The following ATG4C variants were observed in gnomAD, a reference collection of about 807,000 sequenced individuals.
ATG4C encodes the protein autophagy related 4C cysteine peptidase, also known as cysteine protease ATG4C.
ATG4C carries 56 observed loss-of-function variants against 57.6 expected under a neutral mutation model. That is an observed-to-expected ratio of 0.97 (90% CI 0.78 to 1.21). The LOEUF is 1.21. ATG4C is among the 50% of genes most tolerant of loss of function. The pLI is 0.00. For synonymous variants in ATG4C, 157 were observed against 174.1 expected (o/e 0.90, Z 0.78); for missense variants, 595 against 529.8 (o/e 1.12, Z -1.21).
chr1:62,845,337 T>C (rs1400588450), intron 10 of ATG4C, among the ~76,000 whole-genome samples: 1 of 152,178 alleles, frequency 6.6e-6, no homozygotes, highest in African/African-American at 2.4e-5. Context: ...ATTTCCCTGA[T>C]TGATACTAAG....
chr1:62,836,083 A>G (rs112155589), intron 9 of ATG4C, among the ~76,000 whole-genome samples: 320 of 152,208 alleles, frequency 2.1e-3, no homozygotes, highest in Non-Finnish European at 3.3e-3. Context: ...GTAGAGAGAA[A>G]TTATCCATCT....
At chr1:62,860,635 A>G (rs549872672) in intron 10 of ATG4C, among the ~76,000 whole-genome samples, 1 of 152,374 alleles carries the variant, frequency 6.6e-6, no homozygotes, top group South Asian at 2.1e-4. Flanking sequence ...ATTACTGAAC[A>G]GTGTTACATC....
chr1:62,852,406 GAACAA>G (rs1243611157), intron 10 of ATG4C, among the ~76,000 whole-genome samples: 1 of 152,140 alleles, frequency 6.6e-6, no homozygotes, highest in Non-Finnish European at 1.5e-5. Context: ...ACACAATGTT[GAACAA>G]AATGACATTA....
intron 1 of ATG4C, among the ~76,000 whole-genome samples, chr1:62,801,793 CT>C (rs1664675132): frequency 6.6e-6 from 1 of 151,644 alleles, no homozygotes; most frequent in Non-Finnish European, 1.5e-5. Context: ...CCCGTCTCTA[CT>C]AAAAGTACAA....
At chr1:62,793,618 A>AAC (rs1553221618) in intron 1 of ATG4C, among the ~76,000 whole-genome samples, 3,606 of 103,662 alleles carry the variant, frequency 0.035, 453 homozygotes, top group Non-Finnish European at 0.05. Context: ...AAAAAAAAAA[A>AAC]AACCAAAAAA....
chr1:62,828,689 C>A (rs370932517), intron 6 of ATG4C, among the ~76,000 whole-genome samples: 1 of 152,128 alleles, frequency 6.6e-6, no homozygotes, highest in Non-Finnish European at 1.5e-5. Context: ...GCTTTTGTTG[C>A]GATTGTTTTC....
intron 3 of ATG4C, among the ~76,000 whole-genome samples, chr1:62,810,711 G>GTTTTTTTTT (rs10677674): frequency 7.1e-6 from 1 of 141,530 alleles, no homozygotes. Flanking sequence ...TTGAGTCCTT[G>GTTTTTTTTT]TTTTTTTTTT....
intron 10 of ATG4C, among the ~76,000 whole-genome samples, chr1:62,860,766 T>C (rs79503914): frequency 0.011 from 1,704 of 152,302 alleles, 32 homozygotes; most frequent in African/African-American, 0.039. Context: ...AGGGTATAGC[T>C]CTAGTGTGGT....
At chr1:62,824,599 T>C (rs1665585971) in intron 6 of ATG4C, among the ~76,000 whole-genome samples, 1 of 152,096 alleles carries the variant, frequency 6.6e-6, no homozygotes, top group Non-Finnish European at 1.5e-5. Context: ...TATTTTCTCT[T>C]GAACTGTGGT....
chr1:62,863,471 C>T (rs1182238681), intron 10 of ATG4C, among the ~76,000 whole-genome samples: 6 of 151,818 alleles, frequency 4.0e-5, no homozygotes, highest in African/African-American at 1.5e-4. Flanking sequence ...GCCAAAAAGC[C>T]GAGCAGTGAT....
At chr1:62,856,827 G>A (rs1373619498) in intron 10 of ATG4C, among the ~76,000 whole-genome samples, 2 of 152,114 alleles carry the variant, frequency 1.3e-5, no homozygotes, top group African/African-American at 4.8e-5. Context: ...GAACCACCAA[G>A]GTCAAATGTT....
In ATG4C at chr1:62,816,607, T is replaced by C. The variant is rs773128783; in HGVS notation, c.193T>C (p.Cys65Arg). The change falls in exon 4 of 11, where the codon TGT (cysteine) becomes CGT (arginine). Residue 65 changes from cysteine (C) to arginine (R), a missense_variant. Transcript: ENST00000317868. ...EDKTLPAESG[C>R]TIEDHVIAGN... ...TAAAACGTTACCTGCAGAGTCGGGA[T>C]GTACAATAGAGGATCACGTAATTGC... is the stretch of plus-strand genomic sequence containing the variant. 18 of 1,613,024 alleles carry C rather than the reference T, an allele frequency of 1.1e-5. No homozygotes were observed. In the South Asian group the frequency reaches 2.0e-4, roughly 18 times the overall value.
At chr1:62,815,665 A>G (rs1481066627) in intron 3 of ATG4C, among the ~76,000 whole-genome samples, 1 of 152,134 alleles carries the variant, frequency 6.6e-6, no homozygotes, top group African/African-American at 2.4e-5. Flanking sequence ...CCTCGCAAGT[A>G]TCTGCACCGC....
Position 62,819,270 on chromosome 1 carries a change from T to C in ATG4C, c.660T>C (p.Tyr220=). The change falls in exon 5 of 11, where the codon TAT becomes TAC. Residue 220 remains tyrosine (Y), a synonymous_variant. Coordinates refer to ENST00000317868, the MANE Select transcript of ATG4C (RefSeq NM_032852.4). Reference sequence around the variant, plus strand: ...TTGGCTTACATCAACTAATAGAATATGGAAAGAAGTCTGGGAAAAAAGCAG... The same window carrying C: ...TTGGCTTACATCAACTAATAGAATACGGAAAGAAGTCTGGGAAAAAAGCAG... The part of the protein sequence containing the change: ...ALFGLHQLIE[Y]GKKSGKKAGD... 1 of 1,612,850 alleles carries C rather than the reference T, an allele frequency of 6.2e-7. No homozygotes were observed. Among genetic ancestry groups the C allele is most frequent in the Non-Finnish European group, 8.5e-7 (1 of 1,179,538 alleles).
intron 6 of ATG4C, among the ~76,000 whole-genome samples, chr1:62,821,489 T>G (rs966729496): frequency 1.3e-5 from 2 of 152,098 alleles, no homozygotes; most frequent in Non-Finnish European, 2.9e-5. Flanking sequence ...AGGTATATAC[T>G]TGGGCTGCAT....
intron 1 of ATG4C, among the ~76,000 whole-genome samples, chr1:62,795,723 G>T (rs1030646173): frequency 6.6e-6 from 1 of 152,016 alleles, no homozygotes; most frequent in Admixed American, 6.6e-5. Flanking sequence ...CAGCTACTTG[G>T]AAGGCTGAGG....
chr1:62,863,472 G>C (rs1050798810), intron 10 of ATG4C, among the ~76,000 whole-genome samples: 1 of 151,914 alleles, frequency 6.6e-6, no homozygotes, highest in Non-Finnish European at 1.5e-5. Flanking sequence ...CCAAAAAGCC[G>C]AGCAGTGATT....
intron 1 of ATG4C, among the ~76,000 whole-genome samples, chr1:62,801,545 G>A (rs890924212): frequency 1.3e-5 from 2 of 152,142 alleles, no homozygotes; most frequent in Admixed American, 6.5e-5. Flanking sequence ...GACCAAGGTG[G>A]GTGGATCACG....
intron 1 of ATG4C, among the ~76,000 whole-genome samples, chr1:62,784,693 C>T (rs1664025026): frequency 6.6e-6 from 1 of 152,174 alleles, no homozygotes; most frequent in Admixed American, 6.5e-5. Context: ...TCTCTGTTCT[C>T]ATTCCTAGCC....
Sources: gnomAD v4.1 joint callset for allele counts (sites outside exome capture counted in the v4.1 genomes callset) on GRCh38, gnomAD v4.1.1 for gene constraint, MANE v1.5 for transcripts, NCBI Gene and HGNC (gene_info 2026-07-23, HGNC 2026-07-21) for gene names.